The following ARFGEF2 variants were observed in gnomAD, a reference collection of about 807,000 sequenced individuals.
ARFGEF2 encodes the protein brefeldin A-inhibited guanine nucleotide-exchange protein 2.
ARFGEF2 carries 74 observed loss-of-function variants against 219.9 expected under a neutral mutation model. The ratio of observed to expected loss-of-function variants is 0.34; its 90% confidence interval spans 0.28 to 0.41. ARFGEF2 has a LOEUF of 0.41. Among genes scored for constraint, ARFGEF2 ranks in the 10% least tolerant of loss-of-function variants. The probability of loss-of-function intolerance (pLI) is 1.00; values close to 1 mark genes in which losing one functional copy is unlikely to be tolerated. For synonymous variants in ARFGEF2, 733 were observed against 799.2 expected (o/e 0.92, Z 1.40); for missense variants, 1,743 against 2,218.3 (o/e 0.79, Z 4.30).
At chr20:49,007,592 C>CTTTTTTT in intron 26 of ARFGEF2, among the ~76,000 whole-genome samples, 1 of 97,844 alleles carries the variant, frequency 1.0e-5, no homozygotes, top group Non-Finnish European at 2.0e-5. Flanking sequence ...CCTGGTGTTG[C>CTTTTTTT]TTTTTTTTTT....
chr20:48,994,219 AG>A (rs2091373150), intron 21 of ARFGEF2, among the ~76,000 whole-genome samples: 1 of 152,142 alleles, frequency 6.6e-6, no homozygotes, highest in Non-Finnish European at 1.5e-5. Flanking sequence ...GGGTGGAAAA[AG>A]GAGGTGGGGG....
intron 35 of ARFGEF2, 56 bp from the exon 36 acceptor site, chr20:49,025,257 G>A (rs1199556111): frequency 1.9e-6 from 3 of 1,560,540 alleles, no homozygotes; most frequent in Non-Finnish European, 2.6e-6. Flanking sequence ...CAATCACAAT[G>A]CCCAGAGCAT....
chr20:48,935,616 T>C (rs1446283686), intron 1 of ARFGEF2, among the ~76,000 whole-genome samples: 15 of 152,330 alleles, frequency 9.8e-5, no homozygotes, highest in Admixed American at 3.9e-4. Flanking sequence ...GGGTACACCT[T>C]GCAGACGGGG....
chr20:48,928,291 C>T (rs1362495051), intron 1 of ARFGEF2, among the ~76,000 whole-genome samples: 49 of 135,266 alleles, frequency 3.6e-4, no homozygotes, highest in African/African-American at 1.1e-3. Context: ...CTCCGCCTCC[C>T]GGGTTCACGC....
intron 31 of ARFGEF2, 76 bp downstream of exon 31, chr20:49,016,491 G>C: frequency 6.7e-7 from 1 of 1,497,110 alleles, no homozygotes; most frequent in African/African-American, 1.4e-5. Flanking sequence ...ATATTTAAAA[G>C]CATGGATGTA....
chr20:48,963,175 C>CAAAAAAAAAAAAA (rs71337478), intron 6 of ARFGEF2, among the ~76,000 whole-genome samples: 15 of 110,826 alleles, frequency 1.4e-4, no homozygotes, highest in East Asian at 5.3e-4. Context: ...AACTCTGTCT[C>CAAAAAAAAAAAAA]AAAAAAAAAA....
chr20:48,988,464 A>G, intron 17 of ARFGEF2, 27 bp from the exon 18 acceptor site: 1 of 1,610,808 alleles, frequency 6.2e-7, no homozygotes, highest in South Asian at 1.1e-5. Flanking sequence ...TGTTTTTTAA[A>G]TGGTTTTTAA....
At chr20:48,922,155 C>T (rs1177210905) in intron 1 of ARFGEF2, 145 bp downstream of exon 1, 7 of 1,324,956 alleles carry the variant, frequency 5.3e-6, no homozygotes, top group Non-Finnish European at 7.0e-6. Context: ...TCATTATACC[C>T]CCGGAGGAAG....
At chr20:48,997,359 G>A (rs904019152) in intron 23 of ARFGEF2, among the ~76,000 whole-genome samples, 1 of 152,172 alleles carries the variant, frequency 6.6e-6, no homozygotes, top group Non-Finnish European at 1.5e-5. Flanking sequence ...TGCAACCTCT[G>A]CCTCCCAGGT....
chr20:48,937,815 C>T (rs1186652118), intron 1 of ARFGEF2, among the ~76,000 whole-genome samples: 1 of 152,168 alleles, frequency 6.6e-6, no homozygotes, highest in South Asian at 2.1e-4. Flanking sequence ...CATTCCAAAA[C>T]CAGGTTTTAC....
intron 3 of ARFGEF2, among the ~76,000 whole-genome samples, chr20:48,947,670 G>A (rs2091036805): frequency 6.6e-6 from 1 of 152,130 alleles, no homozygotes; most frequent in East Asian, 1.9e-4. Context: ...AGACCAGCCT[G>A]GGCAACATGG....
chr20:48,983,001 A>G (rs1358378770), intron 14 of ARFGEF2, among the ~76,000 whole-genome samples: 2 of 152,164 alleles, frequency 1.3e-5, no homozygotes, highest in African/African-American at 2.4e-5. Context: ...CGTGGGCTGC[A>G]CCCACTGTCC....
intron 9 of ARFGEF2, 35 bp from the exon 10 acceptor site, chr20:48,971,085 T>G (rs932473224): frequency 7.0e-6 from 11 of 1,571,784 alleles, no homozygotes; most frequent in Admixed American, 3.3e-5. Context: ...ATTTTTTCTT[T>G]TAGCACTGTT....
chr20:48,927,165 T>C (rs1015327657), intron 1 of ARFGEF2, among the ~76,000 whole-genome samples: 4 of 152,178 alleles, frequency 2.6e-5, no homozygotes, highest in African/African-American at 7.2e-5. Flanking sequence ...ACTTTAAATA[T>C]TGTTAAGGGA....
chr20:49,011,328 A>G (rs575546965), intron 27 of ARFGEF2, among the ~76,000 whole-genome samples: 1 of 152,330 alleles, frequency 6.6e-6, no homozygotes, highest in South Asian at 2.1e-4. Context: ...ATGGTTCAGT[A>G]TTCTTGAATT....
chr20:48,975,572 G>A (rs1230886007), intron 13 of ARFGEF2, among the ~76,000 whole-genome samples: 2 of 151,992 alleles, frequency 1.3e-5, no homozygotes, highest in Non-Finnish European at 2.9e-5. Context: ...GAGGTCGAGG[G>A]TGGTGGATCA....
rs559596921 is a variant in ARFGEF2 at position 49,010,937 on chromosome 20, T to C, written c.3757+533T>C. ...CCCTGCCTTCTTGTTTGAGCTGTCA[T>C]GACATAAACAAGTGTGCTTAATGTG... On this transcript the variant is annotated intron_variant, in intron 27 of 38. Coordinates refer to ENST00000371917, the MANE Select transcript of ARFGEF2 (RefSeq NM_006420.3). Among the ~76,000 whole-genome samples the C allele has an allele frequency of 4.6e-5, 7 of 152,362 alleles. No individual in the cohort carries two copies. The South Asian group carries it at 1.5e-3, about 32-fold the overall frequency.
intron 14 of ARFGEF2, among the ~76,000 whole-genome samples, chr20:48,983,607 A>G (rs1162291106): frequency 2.0e-5 from 3 of 152,100 alleles, no homozygotes; most frequent in African/African-American, 7.2e-5. Context: ...TCTCCTGCCA[A>G]TTCCCCTGAG....
intron 1 of ARFGEF2, among the ~76,000 whole-genome samples, chr20:48,927,793 A>T (rs1303472065): frequency 6.6e-6 from 1 of 152,202 alleles, no homozygotes; most frequent in Non-Finnish European, 1.5e-5. Context: ...TGTTTTGATG[A>T]GACATTTCGT....
Sources: allele counts gnomAD v4.1 joint callset (sites outside exome capture counted in the v4.1 genomes callset), GRCh38; gene constraint gnomAD v4.1.1; transcripts MANE v1.5; gene names NCBI Gene and HGNC (gene_info 2026-07-23, HGNC 2026-07-21).